The following DDHD1 variants were observed in gnomAD, a reference collection of about 807,000 sequenced individuals.
DDHD1 encodes the protein phospholipase DDHD1.
Under a neutral mutation model 96.4 loss-of-function variants are expected in DDHD1, and 49 were observed. The ratio of observed to expected loss-of-function variants is 0.51; its 90% CI spans 0.40 to 0.64. DDHD1 has a LOEUF of 0.64. DDHD1 is among the 30% of genes least tolerant of loss of function. The pLI, the probability that DDHD1 is intolerant of heterozygous loss-of-function variation, is 0.00. For missense variants in DDHD1, 1,106 were observed against 1,161.2 expected (o/e 0.95, Z 0.69); for synonymous variants, 442 against 446.5 (o/e 0.99, Z 0.13).
chr14:53,105,704 G>C (rs1032158511), intron 1 of DDHD1, among the ~76,000 whole-genome samples: 1 of 152,096 alleles, frequency 6.6e-6, no homozygotes, highest in Non-Finnish European at 1.5e-5. Flanking sequence ...GTAAGGCATA[G>C]AATTGGGTTT....
At chr14:53,108,695 T>C (rs1011415847) in intron 1 of DDHD1, among the ~76,000 whole-genome samples, 2 of 152,252 alleles carry the variant, frequency 1.3e-5, no homozygotes, top group Non-Finnish European at 2.9e-5. Flanking sequence ...TGGATTACTG[T>C]AGTCTCCCGA....
intron 2 of DDHD1, among the ~76,000 whole-genome samples, chr14:53,098,298 A>C (rs1038090365): frequency 7.2e-5 from 11 of 152,112 alleles, no homozygotes; most frequent in African/African-American, 2.4e-4. Flanking sequence ...GCAATGAAAA[A>C]GATTTAAAAT....
At chr14:53,079,164 T>C (rs1885224711) in intron 4 of DDHD1, among the ~76,000 whole-genome samples, 3 of 152,200 alleles carry the variant, frequency 2.0e-5, no homozygotes, top group Admixed American at 6.5e-5. Flanking sequence ...ATAGTTTTCT[T>C]TTCCTTATGA....
intron 1 of DDHD1, among the ~76,000 whole-genome samples, chr14:53,150,819 A>ATATAAAT (rs909398923): frequency 6.6e-6 from 1 of 152,244 alleles, no homozygotes; most frequent in African/African-American, 2.4e-5. Context: ...CGTTATGCAC[A>ATATAAAT]TATAAATATT....
intron 4 of DDHD1, among the ~76,000 whole-genome samples, chr14:53,090,666 C>A (rs1295380308): frequency 3.3e-5 from 5 of 152,116 alleles, no homozygotes; most frequent in Non-Finnish European, 7.4e-5. Context: ...TATGTGGGAA[C>A]TGAACAATGA....
At chr14:53,089,723 G>C (rs1886276931) in intron 4 of DDHD1, among the ~76,000 whole-genome samples, 1 of 152,148 alleles carries the variant, frequency 6.6e-6, no homozygotes, top group African/African-American at 2.4e-5. Context: ...GGACTTAAAT[G>C]TTAGACCTAA....
At chr14:53,093,772 T>C (rs1264058634) in intron 2 of DDHD1, 1 of 276,680 alleles carries the variant, frequency 3.6e-6, no homozygotes, top group African/African-American at 2.3e-5. Context: ...TGGCTGACTC[T>C]TCACTGGGTC....
At chr14:53,099,277 A>C (rs563151059) in intron 2 of DDHD1, among the ~76,000 whole-genome samples, 1 of 152,196 alleles carries the variant, frequency 6.6e-6, no homozygotes, top group Non-Finnish European at 1.5e-5. Flanking sequence ...AAACTAAGAC[A>C]TTAACAGTGG....
intron 1 of DDHD1, among the ~76,000 whole-genome samples, chr14:53,136,698 A>G (rs1198637217): frequency 6.6e-6 from 1 of 152,192 alleles, no homozygotes; most frequent in Non-Finnish European, 1.5e-5. Context: ...AGAGGCAGTG[A>G]GCAATGTCCT....
At chr14:53,148,088 T>A (rs1039353186) in intron 1 of DDHD1, among the ~76,000 whole-genome samples, 1 of 152,176 alleles carries the variant, frequency 6.6e-6, no homozygotes, top group African/African-American at 2.4e-5. Flanking sequence ...CATCTGAAAC[T>A]GAAAATGGTT....
intron 1 of DDHD1, among the ~76,000 whole-genome samples, chr14:53,105,738 C>T (rs981423050): frequency 2.0e-5 from 3 of 151,954 alleles, no homozygotes; most frequent in African/African-American, 4.8e-5. Context: ...CATTTGAACA[C>T]CTTTTTATTT....
At chr14:53,131,616 C>T (rs1889871295) in intron 1 of DDHD1, among the ~76,000 whole-genome samples, 1 of 152,162 alleles carries the variant, frequency 6.6e-6, no homozygotes, top group Non-Finnish European at 1.5e-5. Context: ...GACCCAGACA[C>T]CCATCAGTCT....
intron 8 of DDHD1, among the ~76,000 whole-genome samples, chr14:53,060,460 A>C (rs547453156): frequency 1.6e-4 from 25 of 152,272 alleles, no homozygotes; most frequent in African/African-American, 5.8e-4. Flanking sequence ...TTATAGCTAA[A>C]CTAAGTTTGC....
In DDHD1 at chr14:53,061,330, C is replaced by T. The variant is rs1261393643; in HGVS notation, c.1767-129G>A. Reference sequence around the variant, plus strand: ...TATCCCTCACATTAATCCTGGTTGACAGTATTTAATAAATGTCTCTGCCAC... The same window carrying T: ...TATCCCTCACATTAATCCTGGTTGATAGTATTTAATAAATGTCTCTGCCAC... On this transcript the variant is annotated intron_variant, in intron 7 of 12. Coordinates refer to ENST00000673822, the MANE Select transcript of DDHD1 (RefSeq NM_001160148.2). 1.8e-5 allele frequency: 12 copies of T among 657,974 alleles called. 1 individual carries two copies. The highest frequency in any genetic ancestry group is 2.9e-5 in the Non-Finnish European group (12 of 418,802). 40.8% of individuals were successfully genotyped at this position (657,974 alleles called of 1,614,324 possible).
chr14:53,049,942 GC>G (rs767020062), intron 12 of DDHD1, among the ~76,000 whole-genome samples: 2 of 152,196 alleles, frequency 1.3e-5, no homozygotes, highest in Non-Finnish European at 2.9e-5. Context: ...ATGTGGAAGT[GC>G]TTGACAATCA....
rs763441346 is a variant in DDHD1, at chr14:53,061,163, G to C, written c.1805C>G (p.Ala602Gly). 6.2e-7 allele frequency: 1 copy of C among 1,611,700 alleles called. No homozygotes were observed. The highest frequency in any genetic ancestry group is 1.1e-5 in the South Asian group (1 of 90,506). Residue 602 changes from alanine (A) to glycine (G), a missense_variant, in exon 8 of 13, where the codon GCA becomes GGA. Ala to Gly is a moderately conservative substitution (Grantham distance 60). Around this residue, in one of 2 missense-constraint regions of DDHD1, gnomAD observed 650 missense variants for 758.8 expected, o/e 0.86. Transcript: ENST00000673822. Reference sequence around the variant, plus strand: ...GGCAGGTGTTTGTGTCATAGATGATGCTTTCAATCCGTGAAGCCGTTCTTC... The same window carrying C: ...GGCAGGTGTTTGTGTCATAGATGATCCTTTCAATCCGTGAAGCCGTTCTTC... ...EIEERLHGLK[A>G]SSMTQTPALK...
intron 1 of DDHD1, among the ~76,000 whole-genome samples, chr14:53,111,415 G>A (rs1017365646): frequency 6.6e-6 from 1 of 152,056 alleles, no homozygotes; most frequent in African/African-American, 2.4e-5. Context: ...GCTAGGACTG[G>A]GTAGCTATTG....
rs1372423620 is a variant in DDHD1, at chr14:53,046,215, G to A, written c.*553C>T. ...CATACACTGAAATAAAGCAATTAGA[G>A]GTAATAAATTATAAATACAGTAGTT... On this transcript the variant is annotated 3_prime_UTR_variant, in exon 13 of 13. Coordinates refer to ENST00000673822, the MANE Select transcript of DDHD1 (RefSeq NM_001160148.2). 1 of 152,046 alleles carries A rather than the reference G, an allele frequency of 6.6e-6. No individual in the cohort carries two copies. Among genetic ancestry groups the A allele is most frequent in the African/African-American group, 2.4e-5 (1 of 41,416 alleles). The allele number at this position is 152,046 out of a possible 1,614,324, so 9.4% of individuals were successfully genotyped here.
chr14:53,054,517 C>A lies in DDHD1; in HGVS notation c.2358G>T (p.Lys786Asn). 6.2e-7 allele frequency: 1 copy of A among 1,614,110 alleles called. No individual in the cohort carries two copies. Among genetic ancestry groups the A allele is most frequent in the East Asian group, 2.2e-5 (1 of 44,886 alleles). ...TGGTAGCAGAAGGTGAGGCAACTGG[C>A]TTCTTCTCATCTTCCATTGAGTCTT... ...TSKDSMEDEKKPVASPSATTV... is the reference protein window; with the variant it reads ...TSKDSMEDEKNPVASPSATTV... The change falls in exon 11 of 13, where the codon AAG (lysine) becomes AAT (asparagine). Residue 786 changes from lysine to asparagine, a missense_variant. By Grantham distance (94) the Lys-to-Asn change is moderately conservative. Transcript: ENST00000673822.
Sources: allele counts gnomAD v4.1 joint callset (sites outside exome capture counted in the v4.1 genomes callset), GRCh38; gene constraint gnomAD v4.1.1; regional missense constraint gnomAD v4.1.1; transcripts MANE v1.5; gene names NCBI Gene and HGNC (gene_info 2026-07-23, HGNC 2026-07-21).